The following ADGRL2 variants were observed in gnomAD, a reference collection of about 807,000 sequenced individuals.
The protein encoded by ADGRL2 is adhesion G protein-coupled receptor L2.
ADGRL2 carries 44 observed loss-of-function variants against 157.4 expected under a neutral mutation model. The ratio of observed to expected loss-of-function variants is 0.28; its 90% confidence interval spans 0.22 to 0.36. The LOEUF is 0.36. Among genes scored for constraint, ADGRL2 ranks in the 10% least tolerant of loss-of-function variants. The pLI, the probability that ADGRL2 is intolerant of heterozygous loss-of-function variation, is 1.00. For synonymous variants in ADGRL2, 585 were observed against 624.7 expected (o/e 0.94, Z 0.95); for missense variants, 1,510 against 1,768.9 (o/e 0.85, Z 2.63).
chr1:81,308,639 T>C (rs149294616), intron 1 of ADGRL2, among the ~76,000 whole-genome samples: 3 of 152,306 alleles, frequency 2.0e-5, no homozygotes, highest in Non-Finnish European at 4.4e-5. Context: ...TTGACAGGTA[T>C]AAAGGCACTC....
At chr1:81,884,250 C>T (rs1424697340) in intron 2 of ADGRL2, among the ~76,000 whole-genome samples, 4 of 152,172 alleles carry the variant, frequency 2.6e-5, no homozygotes, top group South Asian at 2.1e-4. Flanking sequence ...ACTGGAATTA[C>T]AGGCACGAGC....
In ADGRL2 at chr1:81,943,753, A is replaced by G. The variant is rs1648833531; in HGVS notation, c.1194A>G (p.Pro398=). 2 of 1,612,766 alleles carry G rather than the reference A, an allele frequency of 1.2e-6. No individual in the cohort carries two copies. Among genetic ancestry groups the G allele is most frequent in the Non-Finnish European group, 1.7e-6 (2 of 1,179,002 alleles). ...TACGATATTCTCTGGAGTTTGGTCC[A>G]CCTGATCCTGCCCAAGGTAAGCGTG... ...FILRYSLEFG[P]PDPAQVPTTA... is the part of the protein sequence containing the mutation. The change falls in exon 6 of 24, where the codon CCA becomes CCG. Residue 398 remains proline (P), a synonymous_variant. Coordinates refer to ENST00000686636, the MANE Select transcript of ADGRL2 (RefSeq NM_001366006.2). This position sits in a 1 kb window ranked among gnomAD's most constrained non-coding sequence, Gnocchi z 5.6.
chr1:81,313,833 A>G (rs1480348872), intron 1 of ADGRL2, among the ~76,000 whole-genome samples: 2 of 152,058 alleles, frequency 1.3e-5, no homozygotes, highest in Admixed American at 6.6e-5. Context: ...ACAGACTGCC[A>G]TTGATTTTTT....
chr1:81,538,435 G>A (rs1325502141), intron 2 of ADGRL2, among the ~76,000 whole-genome samples: 2 of 151,952 alleles, frequency 1.3e-5, no homozygotes, highest in Non-Finnish European at 2.9e-5. Context: ...CCAGCAGGGG[G>A]AAAAAAGGAA....
upstream of ADGRL2, among the ~76,000 whole-genome samples, chr1:81,795,554 T>C (rs753576480): frequency 4.6e-5 from 7 of 152,338 alleles, no homozygotes; most frequent in East Asian, 7.7e-4. Flanking sequence ...ATAAGTGTTA[T>C]ATAATTGTAT....
chr1:81,439,311 T>C (rs1452997566), intron 1 of ADGRL2, among the ~76,000 whole-genome samples: 1 of 152,226 alleles, frequency 6.6e-6, no homozygotes, highest in Admixed American at 6.5e-5. Context: ...GGTTGGTAAG[T>C]ATGCGAACTC....
chr1:81,310,449 A>G (rs1024911916), intron 1 of ADGRL2, among the ~76,000 whole-genome samples: 1 of 152,200 alleles, frequency 6.6e-6, no homozygotes, highest in Non-Finnish European at 1.5e-5. Context: ...TCATCAACAC[A>G]TAATCAAGTG....
chr1:81,795,591 G>A (rs1476649121), upstream of ADGRL2, among the ~76,000 whole-genome samples: 1 of 152,172 alleles, frequency 6.6e-6, no homozygotes, highest in African/African-American at 2.4e-5. Context: ...AAAATGCAGA[G>A]AGGTTGTATG....
chr1:81,389,449 G>T (rs921631746), intron 1 of ADGRL2, among the ~76,000 whole-genome samples: 4 of 152,144 alleles, frequency 2.6e-5, no homozygotes, highest in Non-Finnish European at 5.9e-5. Context: ...AAACAGCTTA[G>T]TATTTTTCCT....
intron 1 of ADGRL2, among the ~76,000 whole-genome samples, chr1:81,712,755 A>ATTTTT (rs60265943): frequency 7.0e-5 from 7 of 100,248 alleles, no homozygotes; most frequent in African/African-American, 2.4e-4. Flanking sequence ...TGGATCGCGG[A>ATTTTT]TTTTTTTTTT....
At chr1:81,498,568 T>C (rs2078777719) in intron 2 of ADGRL2, among the ~76,000 whole-genome samples, 1 of 152,160 alleles carries the variant, frequency 6.6e-6, no homozygotes, top group Non-Finnish European at 1.5e-5. Flanking sequence ...CTGAGTATAA[T>C]TGCAGTGTCA....
rs558741999 is a variant in ADGRL2 at position 81,604,907 on chromosome 1, A to G, written c.-143+23927A>G. ...CAGGTATACAAATGCACACCCACACACTTTGAGAAAGATATTATGTTTATT... is the reference window on the plus strand; with the variant it reads ...CAGGTATACAAATGCACACCCACACGCTTTGAGAAAGATATTATGTTTATT... On this transcript the variant is annotated intron_variant, in intron 3 of 24. Coordinates refer to the ADGRL2 transcript ENST00000370721. 2.0e-5 allele frequency among the ~76,000 whole-genome samples: 3 copies of G among 152,248 alleles called. No individual in the cohort carries two copies. The East Asian group carries it at 5.8e-4, about 29-fold the overall frequency.
At chr1:81,618,301 G>C (rs931749908) in intron 3 of ADGRL2, among the ~76,000 whole-genome samples, 9 of 152,106 alleles carry the variant, frequency 5.9e-5, no homozygotes, top group Admixed American at 5.9e-4. Flanking sequence ...GGTTTTGTGG[G>C]TGTATTGCAC....
At chr1:81,927,875 T>C (rs1355183952) in intron 3 of ADGRL2, among the ~76,000 whole-genome samples, 2 of 152,026 alleles carry the variant, frequency 1.3e-5, no homozygotes, top group Non-Finnish European at 2.9e-5. Flanking sequence ...CCACTTTCCC[T>C]AGCTGTATAG....
intron 2 of ADGRL2, chr1:81,514,887 G>A (rs903703096): frequency 6.6e-6 from 1 of 152,210 alleles, no homozygotes; most frequent in African/African-American, 2.4e-5. Context: ...ATGACATGGA[G>A]TACAAAGACA....
At chr1:81,582,796 T>A (rs1158652997) in intron 3 of ADGRL2, among the ~76,000 whole-genome samples, 1 of 152,158 alleles carries the variant, frequency 6.6e-6, no homozygotes, top group Non-Finnish European at 1.5e-5. Flanking sequence ...GTGCCTAAAC[T>A]ATTTATAGTG....
intron 3 of ADGRL2, among the ~76,000 whole-genome samples, chr1:81,657,009 C>CAAAAA (rs11383698): frequency 9.2e-6 from 1 of 109,270 alleles, no homozygotes; most frequent in Admixed American, 1.0e-4. Flanking sequence ...GACCCTGTCT[C>CAAAAA]AAAAAAAAAA....
At chr1:81,960,263 C>T (rs1654908892) in intron 11 of ADGRL2, among the ~76,000 whole-genome samples, 1 of 152,108 alleles carries the variant, frequency 6.6e-6, no homozygotes, top group Non-Finnish European at 1.5e-5. Flanking sequence ...TTAACTCTGC[C>T]TGGTATGCTG....
intron 1 of ADGRL2, among the ~76,000 whole-genome samples, chr1:81,407,581 G>A (rs2076875443): frequency 6.6e-6 from 1 of 152,190 alleles, no homozygotes; most frequent in African/African-American, 2.4e-5. Flanking sequence ...TCTTAAACCT[G>A]ATCTCATGGC....
Sources: allele counts gnomAD v4.1 joint callset (sites outside exome capture counted in the v4.1 genomes callset), GRCh38; gene constraint gnomAD v4.1.1; non-coding constraint Gnocchi (gnomAD v3.1); transcripts MANE v1.5; gene names NCBI Gene and HGNC (gene_info 2026-07-23, HGNC 2026-07-21).